RASSF3: variants seen among roughly 807,000 people sequenced by gnomAD.
RASSF3 encodes Ras association domain family member 3, also known as ras association domain-containing protein 3.
Under a neutral mutation model 19.9 loss-of-function variants are expected in RASSF3, and 19 were observed. The ratio of observed to expected loss-of-function variants is 0.96; its 90% CI spans 0.67 to 1.40. The LOEUF (loss-of-function observed/expected upper bound fraction) is 1.40. Ranked by LOEUF, RASSF3 falls within the 40% of genes most tolerant of loss-of-function variation. RASSF3 has a pLI of 0.00. For synonymous variants in RASSF3, 110 were observed against 104.2 expected (o/e 1.06, Z -0.34); for missense variants, 306 against 289.8 (o/e 1.06, Z -0.41).
At chr12:64,618,585 C>A (rs1332777340) in intron 1 of RASSF3, among the ~76,000 whole-genome samples, 1 of 152,122 alleles carries the variant, frequency 6.6e-6, no homozygotes, top group African/African-American at 2.4e-5. Context: ...CCTTGGCCTC[C>A]CAAAGTGCTG....
chr12:64,552,180 C>T (rs1025658082), intron 2 of RASSF3, among the ~76,000 whole-genome samples: 1 of 151,872 alleles, frequency 6.6e-6, no homozygotes, highest in Non-Finnish European at 1.5e-5. Flanking sequence ...GGAGCCAGGG[C>T]GCTTGGCTAG....
chr12:64,607,176 C>T (rs185929876), upstream of RASSF3, among the ~76,000 whole-genome samples: 2 of 149,916 alleles, frequency 1.3e-5, no homozygotes, highest in South Asian at 2.1e-4. Flanking sequence ...CCCAGCTACT[C>T]GGGAGGCTGA....
At chr12:64,551,110 A>G (rs1473706139) in intron 2 of RASSF3, among the ~76,000 whole-genome samples, 1 of 152,094 alleles carries the variant, frequency 6.6e-6, no homozygotes, top group African/African-American at 2.4e-5. Flanking sequence ...ATAACCCCCA[A>G]AGATGGCCAC....
rs1017033069 is a variant in RASSF3, at chr12:64,697,309, T to A, written c.*2397T>A. The A allele has an allele frequency of 1.3e-5, 2 of 152,170 alleles. No individual in the cohort carries two copies. The highest frequency in any genetic ancestry group is 6.6e-5 in the Admixed American group (1 of 15,262). The allele number at this position is 152,170 out of a possible 1,614,324, so 9.4% of individuals were successfully genotyped here. On this transcript the variant is annotated 3_prime_UTR_variant, in exon 5 of 5. Coordinates refer to ENST00000542104, the MANE Select transcript of RASSF3 (RefSeq NM_178169.4). The stretch of plus-strand genomic sequence containing the variant: ...ACTAAGGCCAAAGATTTTTTAAGAA[T>A]CATTGTACAAATCATTATGTTAAAC...
intron 1 of RASSF3, among the ~76,000 whole-genome samples, chr12:64,619,736 C>T (rs1870678971): frequency 6.6e-6 from 1 of 152,072 alleles, no homozygotes; most frequent in African/African-American, 2.4e-5. Flanking sequence ...AATCCCAGCA[C>T]ATTGGGAGGC....
At chr12:64,644,646 G>C (rs796901059) in intron 1 of RASSF3, among the ~76,000 whole-genome samples, 12 of 151,292 alleles carry the variant, frequency 7.9e-5, no homozygotes, top group African/African-American at 2.9e-4. Flanking sequence ...GCAGTGAGCT[G>C]TGTTTGCATC....
At chr12:64,538,610 C>T (rs1248355408) in intron 1 of RASSF3, among the ~76,000 whole-genome samples, 1 of 151,694 alleles carries the variant, frequency 6.6e-6, no homozygotes, top group Non-Finnish European at 1.5e-5. Context: ...TAATATTGTT[C>T]TGATTATAAA....
At chr12:64,674,301 T>C (rs114685171) in intron 1 of RASSF3, among the ~76,000 whole-genome samples, 114 of 152,368 alleles carry the variant, frequency 7.5e-4, no homozygotes, top group African/African-American at 2.7e-3. Flanking sequence ...GAGGGTGGAT[T>C]GCAAATGCAG....
chr12:64,527,164 G>A (rs1410865551), intron 1 of RASSF3, among the ~76,000 whole-genome samples: 1 of 152,174 alleles, frequency 6.6e-6, no homozygotes, highest in Non-Finnish European at 1.5e-5. Context: ...GAGAACTGCT[G>A]AATTGCAGAA....
At chr12:64,691,796 A>G (rs561923386) in intron 4 of RASSF3, among the ~76,000 whole-genome samples, 2 of 152,238 alleles carry the variant, frequency 1.3e-5, no homozygotes, top group South Asian at 4.1e-4. Flanking sequence ...TCATTCTCTC[A>G]CAACCTTATA....
intron 2 of RASSF3, among the ~76,000 whole-genome samples, chr12:64,559,261 T>TTTTTTTG (rs1869306780): frequency 6.7e-6 from 1 of 150,090 alleles, no homozygotes. Context: ...TTTTTTTTTT[T>TTTTTTTG]GAGGCGGAGT....
chr12:64,599,803 C>A (rs967414858), intron 2 of RASSF3, among the ~76,000 whole-genome samples: 2 of 151,822 alleles, frequency 1.3e-5, no homozygotes, highest in Non-Finnish European at 2.9e-5. Flanking sequence ...GAGGCTGAGG[C>A]GGGTGAATCA....
intron 1 of RASSF3, among the ~76,000 whole-genome samples, chr12:64,521,723 T>A (rs1868483865): frequency 6.6e-6 from 1 of 152,218 alleles, no homozygotes; most frequent in African/African-American, 2.4e-5. Context: ...TCTATGTCTG[T>A]ATTCTACACT....
chr12:64,536,838 C>G (rs1305269607), intron 1 of RASSF3, among the ~76,000 whole-genome samples: 3 of 152,230 alleles, frequency 2.0e-5, no homozygotes, highest in Non-Finnish European at 2.9e-5. Flanking sequence ...GTGGTCACAT[C>G]TCTGTTCTTT....
chr12:64,693,353 G>T (rs755008378), intron 4 of RASSF3, among the ~76,000 whole-genome samples: 2 of 151,762 alleles, frequency 1.3e-5, no homozygotes, highest in African/African-American at 4.8e-5. Flanking sequence ...AAAAAACCTC[G>T]TAGATGATGC....
upstream of RASSF3, among the ~76,000 whole-genome samples, chr12:64,606,708 G>C (rs1010803742): frequency 1.3e-5 from 2 of 152,204 alleles, no homozygotes; most frequent in South Asian, 4.1e-4. Flanking sequence ...CTAGCTACTC[G>C]GGAGGCTGAG....
At chr12:64,611,277 C>T (rs1174376420) in intron 1 of RASSF3, among the ~76,000 whole-genome samples, 5 of 152,216 alleles carry the variant, frequency 3.3e-5, no homozygotes. Context: ...GGCCTCGCCA[C>T]CATAGGCTCT....
At chr12:64,544,177 C>A (rs922273645), downstream of RASSF3, among the ~76,000 whole-genome samples, 1 of 152,124 alleles carries the variant, frequency 6.6e-6, no homozygotes, top group Non-Finnish European at 1.5e-5. Context: ...TAACGCCCAC[C>A]GTGAAACGCT....
At chr12:64,562,426 T>C (rs1314696506) in intron 2 of RASSF3, among the ~76,000 whole-genome samples, 2 of 152,134 alleles carry the variant, frequency 1.3e-5, no homozygotes, top group Admixed American at 1.3e-4. Flanking sequence ...ATAGTTCAAA[T>C]TGCCTTCCTA....
Sources: gnomAD v4.1 joint callset for allele counts (sites outside exome capture counted in the v4.1 genomes callset) on GRCh38, gnomAD v4.1.1 for gene constraint, MANE v1.5 for transcripts, NCBI Gene and HGNC (gene_info 2026-07-23, HGNC 2026-07-21) for gene names.